The following PCDHA2 variants were observed in gnomAD, a reference collection of about 807,000 sequenced individuals.
PCDHA2 encodes protocadherin alpha 2.
Under a neutral mutation model 66.0 loss-of-function variants are expected in PCDHA2, and 58 were observed. That is an observed-to-expected ratio of 0.88 (90% CI 0.71 to 1.09). PCDHA2 has a LOEUF of 1.09. PCDHA2 is among the 50% of genes least tolerant of loss of function. PCDHA2 has a pLI of 0.00. For missense variants in PCDHA2, 1,267 were observed against 1,242.3 expected (o/e 1.02, Z -0.30); for synonymous variants, 634 against 554.0 (o/e 1.14, Z -2.03).
chr5:140,957,145 T>A (rs1554222837), intron 1 of PCDHA2, among the ~76,000 whole-genome samples: 1 of 152,156 alleles, frequency 6.6e-6, no homozygotes, highest in Non-Finnish European at 1.5e-5. Context: ...GAACTAAAAA[T>A]TTTGGAGACA....
At chr5:140,900,425 G>T (rs577250354) in intron 1 of PCDHA2, among the ~76,000 whole-genome samples, 1 of 152,236 alleles carries the variant, frequency 6.6e-6, no homozygotes, top group African/African-American at 2.4e-5. Context: ...TTATAGGCAC[G>T]TGCCACCACG....
intron 1 of PCDHA2, chr5:140,859,160 T>C (rs1554152196): frequency 6.7e-6 from 1 of 150,194 alleles, no homozygotes; most frequent in Non-Finnish European, 1.5e-5. Context: ...CTCTTCATTA[T>C]CTGCTCCTTT....
At chr5:140,823,033 T>C (rs2150121550) in intron 1 of PCDHA2, 1 of 1,614,218 alleles carries the variant, frequency 6.2e-7, no homozygotes, top group South Asian at 1.1e-5. Flanking sequence ...CGTGTCGGTC[T>C]ATGAGCTGGT....
intron 1 of PCDHA2, among the ~76,000 whole-genome samples, chr5:140,893,236 T>C (rs1554185562): frequency 6.6e-6 from 1 of 152,236 alleles, no homozygotes. Flanking sequence ...TTTGACATAC[T>C]GGTTTCCTTT....
rs1349053689 is a variant in PCDHA2 at position 140,855,989 on chromosome 5, A to C, written c.2388+58637A>C. The C allele has an allele frequency of 3.4e-6, 5 of 1,484,810 alleles. No homozygotes were observed. The African/African-American group carries it at 7.0e-5, about 21-fold the overall frequency. The allele number at this position is 1,484,810 out of a possible 1,614,324, so 92.0% of individuals were successfully genotyped here. ...TATAAGAAATAGGACAGAAAATGTCAGATCGTATGTGCGTTCTAGACCGCT... is the reference window on the plus strand; with the variant it reads ...TATAAGAAATAGGACAGAAAATGTCCGATCGTATGTGCGTTCTAGACCGCT... On this transcript the variant is annotated intron_variant, in intron 1 of 3. Transcript: ENST00000526136.
chr5:140,849,787 G>A lies in PCDHA2; in HGVS notation c.2388+52435G>A, dbSNP rs1421161535. The stretch of plus-strand genomic sequence containing the variant: ...CTGGTGGTTACCGCGCGGGACGGGG[G>A]CTCGCCTTCACTGTGGGCCACGGCC... On this transcript the variant is annotated intron_variant, in intron 1 of 3. Transcript: ENST00000526136. 3.1e-6 allele frequency: 5 copies of A among 1,598,342 alleles called. 1 individual carries two copies. The highest frequency in any genetic ancestry group is 3.4e-4 in the Middle Eastern group (2 of 5,864).
chr5:140,801,437 G>C (rs776837907), intron 1 of PCDHA2: 2 of 1,613,974 alleles, frequency 1.2e-6, no homozygotes, highest in Non-Finnish European at 1.7e-6. Context: ...TAAATCTGCA[G>C]AATGGCATTT....
At chr5:140,871,809 A>G (rs1489306606) in intron 1 of PCDHA2, among the ~76,000 whole-genome samples, 1 of 152,260 alleles carries the variant, frequency 6.6e-6, no homozygotes. Flanking sequence ...TATTTTCACT[A>G]AAGTACCCAT....
intron 1 of PCDHA2, chr5:140,822,056 T>A (rs2150113263): frequency 1.9e-6 from 3 of 1,614,216 alleles, no homozygotes; most frequent in African/African-American, 1.3e-5. Context: ...CGGGAGGAGC[T>A]GTGCCGGCGG....
At chr5:140,958,484 G>A (rs246009) in intron 1 of PCDHA2, among the ~76,000 whole-genome samples, 85,541 of 151,786 alleles carry the variant, frequency 0.56, 24,705 homozygotes, top group African/African-American at 0.69. Flanking sequence ...AGAGCACTAA[G>A]TCCACATATC....
At chr5:140,967,373 A>C in intron 1 of PCDHA2, 1 of 1,607,416 alleles carries the variant, frequency 6.2e-7, no homozygotes, top group Non-Finnish European at 8.5e-7. Flanking sequence ...CCTGCAGGAG[A>C]ACAGTAAAGT....
intron 2 of PCDHA2, 125 bp downstream of exon 2, chr5:140,979,132 A>T: frequency 4.8e-6 from 7 of 1,471,500 alleles, no homozygotes; most frequent in Non-Finnish European, 6.3e-6. Context: ...TGCCAGGAAA[A>T]TGCAATTATT....
In PCDHA2 at chr5:140,836,794, C is replaced by T. The variant is rs2150270032; in HGVS notation, c.2388+39442C>T. 8 of 1,396,752 alleles carry T rather than the reference C, an allele frequency of 5.7e-6. No individual in the cohort carries two copies. In the African/African-American group the frequency reaches 7.2e-5, roughly 13 times the overall value. The allele number at this position is 1,396,752 out of a possible 1,614,324, so 86.5% of individuals were successfully genotyped here. A position where few individuals can be genotyped will look rare whatever the true frequency, so the allele number is the denominator to read the frequency against. The stretch of plus-strand genomic sequence containing the variant: ...TTTTAAAACAATTAGTTCAATTGGT[C>T]TCCTTAAATTTTCTTTCATAATTTC... On this transcript the variant is annotated intron_variant, in intron 1 of 3. Transcript: ENST00000526136.
chr5:141,009,494 A>G (rs1554262180), intron 3 of PCDHA2, 133 bp from the exon 4 acceptor site: 16 of 1,488,800 alleles, frequency 1.1e-5, no homozygotes, highest in Non-Finnish European at 1.4e-5. Flanking sequence ...TTGCCCTCAG[A>G]CTTGAACAAA....
At chr5:140,990,552 C>G (rs1379026755) in intron 3 of PCDHA2, among the ~76,000 whole-genome samples, 5 of 152,130 alleles carry the variant, frequency 3.3e-5, no homozygotes, top group African/African-American at 1.2e-4. Flanking sequence ...CTGTATTACC[C>G]AAGAACACAC....
chr5:140,969,331 G>A, intron 1 of PCDHA2: 1 of 1,614,042 alleles, frequency 6.2e-7, no homozygotes, highest in Non-Finnish European at 8.5e-7. Context: ...CTCAAAATGA[G>A]GTGAGACAGT....
At chr5:140,823,490 C>T (rs2150126315) in intron 1 of PCDHA2, 6 of 1,613,236 alleles carry the variant, frequency 3.7e-6, no homozygotes, top group Admixed American at 1.7e-5. Context: ...GTGGGTGGCA[C>T]CGGCGGCGCA....
At chr5:140,861,150 G>T (rs2046778141) in intron 1 of PCDHA2, 1 of 154,448 alleles carries the variant, frequency 6.5e-6, no homozygotes, top group Non-Finnish European at 1.4e-5. Flanking sequence ...TCAGGAACAA[G>T]GACCAAAAGG....
intron 1 of PCDHA2, among the ~76,000 whole-genome samples, chr5:140,898,629 C>T (rs2066883647): frequency 1.3e-5 from 2 of 152,194 alleles, no homozygotes; most frequent in Admixed American, 1.3e-4. Context: ...AGCATAATGC[C>T]TCCAGCTTTG....
Sources: gnomAD v4.1 joint callset for allele counts (sites outside exome capture counted in the v4.1 genomes callset) on GRCh38, gnomAD v4.1.1 for gene constraint, MANE v1.5 for transcripts, NCBI Gene and HGNC (gene_info 2026-07-23, HGNC 2026-07-21) for gene names.